The following PARN variants were observed in gnomAD, a reference collection of about 807,000 sequenced individuals.
PARN encodes the protein poly(A)-specific ribonuclease.
In PARN, 71 loss-of-function variants were observed where a neutral mutation model predicts 102.8. The ratio of observed to expected loss-of-function variants is 0.69; its 90% CI spans 0.57 to 0.84. The LOEUF (loss-of-function observed/expected upper bound fraction) is 0.84. Among genes scored for constraint, PARN ranks in the 40% least tolerant of loss-of-function variants. The pLI, the probability that PARN is intolerant of heterozygous loss-of-function variation, is 0.00. For missense variants in PARN, 782 were observed against 760.9 expected (o/e 1.03, Z -0.33); for synonymous variants, 261 against 252.9 (o/e 1.03, Z -0.30).
At chr16:14,450,551 T>A (rs1430171692) in intron 22 of PARN, among the ~76,000 whole-genome samples, 1 of 152,164 alleles carries the variant, frequency 6.6e-6, no homozygotes, top group African/African-American at 2.4e-5. Flanking sequence ...TATATACGTA[T>A]ATTTATGCAG....
At chr16:14,451,116 T>C (rs1863604693) in intron 22 of PARN, among the ~76,000 whole-genome samples, 3 of 152,188 alleles carry the variant, frequency 2.0e-5, no homozygotes, top group Admixed American at 2.0e-4. Flanking sequence ...GTTTACCTAA[T>C]GAAGTTCATC....
At chr16:14,506,457 T>G (rs1319669026) in intron 21 of PARN, among the ~76,000 whole-genome samples, 1 of 152,230 alleles carries the variant, frequency 6.6e-6, no homozygotes, top group Non-Finnish European at 1.5e-5. Flanking sequence ...GTGTGATAAA[T>G]ATATTAGGGC....
At chr16:14,624,344 A>G (rs778081691) in intron 5 of PARN, among the ~76,000 whole-genome samples, 1 of 152,232 alleles carries the variant, frequency 6.6e-6, no homozygotes, top group Non-Finnish European at 1.5e-5. Context: ...CCAAAAATAC[A>G]TTAACCTTTT....
At chr16:14,462,038 G>A (rs538441759) in intron 22 of PARN, among the ~76,000 whole-genome samples, 8 of 152,304 alleles carry the variant, frequency 5.3e-5, no homozygotes, top group Admixed American at 2.6e-4. Context: ...TTAACACATC[G>A]TAGTCACTGA....
chr16:14,538,897 T>C (rs1023196576), intron 21 of PARN, among the ~76,000 whole-genome samples: 10 of 152,238 alleles, frequency 6.6e-5, no homozygotes, highest in Admixed American at 2.0e-4. Flanking sequence ...ATGAGCCCTA[T>C]TGTAAATTGC....
At chr16:14,475,182 T>C (rs991728311) in intron 22 of PARN, among the ~76,000 whole-genome samples, 1 of 152,246 alleles carries the variant, frequency 6.6e-6, no homozygotes, top group African/African-American at 2.4e-5. Flanking sequence ...CCAAAGGGCA[T>C]GACTGATTAA....
intron 21 of PARN, among the ~76,000 whole-genome samples, chr16:14,493,607 A>G (rs1178820316): frequency 6.6e-6 from 1 of 152,208 alleles, no homozygotes; most frequent in Non-Finnish European, 1.5e-5. Context: ...ATCTGAAGGA[A>G]GAGTAAAGGA....
intron 5 of PARN, among the ~76,000 whole-genome samples, chr16:14,618,148 AG>A (rs1188214141): frequency 6.6e-6 from 1 of 152,126 alleles, no homozygotes; most frequent in African/African-American, 2.4e-5. Flanking sequence ...CTTTGAGAAC[AG>A]CCTGGTCAAC....
intron 5 of PARN, 94 bp downstream of exon 5, chr16:14,627,012 G>T: frequency 1.4e-6 from 1 of 739,112 alleles, no homozygotes. Flanking sequence ...TTGCCCCAAA[G>T]CCCAAAGTTA....
chr16:14,457,947 TGAGAGA>T (rs909541843), intron 22 of PARN, among the ~76,000 whole-genome samples: 3 of 150,286 alleles, frequency 2.0e-5, no homozygotes, highest in Non-Finnish European at 3.0e-5. Flanking sequence ...TGTGTGTGTG[TGAGAGA>T]GAGAGACAGA....
chr16:14,556,234 C>T (rs1007583434), intron 18 of PARN, among the ~76,000 whole-genome samples: 7 of 152,058 alleles, frequency 4.6e-5, no homozygotes, highest in African/African-American at 1.7e-4. Context: ...TCTCGGCTCA[C>T]TGCAACCTCT....
intron 21 of PARN, among the ~76,000 whole-genome samples, chr16:14,496,425 A>G (rs1964322510): frequency 6.6e-6 from 1 of 152,196 alleles, no homozygotes; most frequent in Non-Finnish European, 1.5e-5. Context: ...ACTATTACTT[A>G]AAGAAAAAAA....
chr16:14,529,211 A>G (rs1348631879), intron 21 of PARN, among the ~76,000 whole-genome samples: 1 of 152,202 alleles, frequency 6.6e-6, no homozygotes, highest in African/African-American at 2.4e-5. Context: ...GTCGAATCCG[A>G]ATGCTAAGTC....
chr16:14,571,887 C>G (rs1015111078), intron 18 of PARN, among the ~76,000 whole-genome samples: 2 of 152,178 alleles, frequency 1.3e-5, no homozygotes, highest in Non-Finnish European at 2.9e-5. Context: ...CTATACTACG[C>G]TCCACAAGAT....
chr16:14,500,854 T>G (rs1313170501), intron 21 of PARN, among the ~76,000 whole-genome samples: 3 of 152,032 alleles, frequency 2.0e-5, no homozygotes, highest in East Asian at 3.9e-4. Flanking sequence ...TATGTCAGCT[T>G]AGGGCAGCAG....
At chr16:14,567,931 TG>T (rs1329323288) in intron 18 of PARN, among the ~76,000 whole-genome samples, 1 of 152,208 alleles carries the variant, frequency 6.6e-6, no homozygotes, top group East Asian at 1.9e-4. Flanking sequence ...AGTTATAAAG[TG>T]TTTTCTTAAG....
At position 14,586,338 on chromosome 16, in the gene PARN, C is replaced by T. The variant is rs757153629; in HGVS notation, c.942G>A (p.Met314Ile). ...CTTACCTGGGGAAAACACATGTTGT[C>T]ATCTCTTTAAACTCACTTAAGTCCT... ...LPADLSEFKE[M>I]TTCVFPRLLD... The change falls in exon 14 of 24, where the codon ATG (methionine) becomes ATA (isoleucine). Residue 314 changes from methionine to isoleucine, a missense_variant. Coordinates refer to ENST00000437198, the MANE Select transcript of PARN (RefSeq NM_002582.4). The T allele has an allele frequency of 6.4e-7, 1 of 1,550,754 alleles. No homozygotes were observed. Among genetic ancestry groups the T allele is most frequent in the Non-Finnish European group, 8.8e-7 (1 of 1,141,796 alleles).
chr16:14,538,413 T>G (rs2151683239), intron 21 of PARN, among the ~76,000 whole-genome samples: 1 of 151,918 alleles, frequency 6.6e-6, no homozygotes, highest in Admixed American at 6.6e-5. Context: ...AGAGACAGGG[T>G]TTTGCCATGT....
chr16:14,589,002 A>G (rs567440537), intron 13 of PARN, among the ~76,000 whole-genome samples: 1 of 152,172 alleles, frequency 6.6e-6, no homozygotes, highest in East Asian at 1.9e-4. Context: ...CAACATGGTG[A>G]AACTCCGTCT....
Sources: gnomAD v4.1 joint callset for allele counts (sites outside exome capture counted in the v4.1 genomes callset) on GRCh38, gnomAD v4.1.1 for gene constraint, MANE v1.5 for transcripts, NCBI Gene and HGNC (gene_info 2026-07-23, HGNC 2026-07-21) for gene names.